Variants in CACNA1D observed in about 807,000 individuals in gnomAD.
CACNA1D encodes calcium voltage-gated channel subunit alpha1 D.
A neutral mutation model predicts 257.1 loss-of-function variants in CACNA1D; 55 were observed. That is an observed-to-expected ratio of 0.21 (90% CI 0.17 to 0.27). CACNA1D has a LOEUF of 0.27. Among genes scored for constraint, CACNA1D ranks in the 10% least tolerant of loss-of-function variants. The pLI is 1.00. For missense variants in CACNA1D, 1,876 were observed against 2,784.0 expected (o/e 0.67, Z 7.34); for synonymous variants, 980 against 1,014.9 (o/e 0.97, Z 0.65).
intron 8 of CACNA1D, among the ~76,000 whole-genome samples, chr3:53,691,087 G>C (rs995839118): frequency 2.0e-5 from 3 of 152,060 alleles, no homozygotes; most frequent in Non-Finnish European, 4.4e-5. Flanking sequence ...GTGATTAAGT[G>C]ATCTGTTTCG....
At chr3:53,598,318 G>A (rs1320566594) in intron 3 of CACNA1D, among the ~76,000 whole-genome samples, 1 of 151,940 alleles carries the variant, frequency 6.6e-6, no homozygotes, top group Non-Finnish European at 1.5e-5. Flanking sequence ...GCTCAGGCTT[G>A]TAATCCCAGC....
Position 53,811,283 on chromosome 3 carries a change from C to T in CACNA1D, c.6363C>T (p.Pro2121=). 1 of 1,613,900 alleles carries T rather than the reference C, an allele frequency of 6.2e-7. No homozygotes were observed. The highest frequency in any genetic ancestry group is 8.5e-7 in the Non-Finnish European group (1 of 1,180,028). The part of the protein sequence containing the change: ...VRPRANGDVG[P]LSHRQDYELQ... ...CCCGAGCCAACGGGGATGTGGGCCC[C>T]CTCTCACACCGGCAGGACTATGAGC... The change falls in exon 48 of 48, where the codon CCC becomes CCT. Residue 2121 remains proline (P), a synonymous_variant. Transcript: ENST00000350061. This position sits in a 1 kb window ranked among gnomAD's most constrained non-coding sequence, Gnocchi z 4.2.
chr3:53,535,762 A>T (rs1391038242), intron 3 of CACNA1D, among the ~76,000 whole-genome samples: 1 of 152,236 alleles, frequency 6.6e-6, no homozygotes, highest in Non-Finnish European at 1.5e-5. Context: ...CTAGACCACA[A>T]ATTTCTATTC....
intron 30 of CACNA1D, among the ~76,000 whole-genome samples, chr3:53,764,644 C>T (rs79400786): frequency 0.077 from 11,731 of 152,288 alleles, 1,521 homozygotes; most frequent in African/African-American, 0.27. Flanking sequence ...GGCTGCCTCA[C>T]GTGTGCTGCA....
chr3:53,626,568 AT>A (rs35238366), intron 3 of CACNA1D, among the ~76,000 whole-genome samples: 15 of 150,240 alleles, frequency 1.0e-4, no homozygotes, highest in Non-Finnish European at 1.2e-4. Flanking sequence ...AGTTCCTCTG[AT>A]TTTTTTTTTA....
Position 53,747,156 on chromosome 3 carries a change from C to T in CACNA1D, c.3168-146C>T, listed in dbSNP as rs576170967. On this transcript the variant is annotated intron_variant, in intron 25 of 47. Coordinates refer to ENST00000350061, the MANE Select transcript of CACNA1D (RefSeq NM_001128840.3). The stretch of plus-strand genomic sequence containing the variant: ...TGGAGGGCGAGGAGAGGAGAAACGG[C>T]GCCGGTGTTATGCTCAGCTGTGTGA... The T allele has an allele frequency of 5.0e-5, 37 of 740,492 alleles. No homozygotes were observed. In the East Asian group the frequency reaches 5.7e-4, roughly 11 times the overall value. The allele number at this position is 740,492 out of a possible 1,614,324, so 45.9% of individuals were successfully genotyped here. A position where few individuals can be genotyped will look rare whatever the true frequency, so the allele number is the denominator to read the frequency against.
At chr3:53,579,671 C>A (rs2093097676) in intron 3 of CACNA1D, among the ~76,000 whole-genome samples, 1 of 152,224 alleles carries the variant, frequency 6.6e-6, no homozygotes, top group Admixed American at 6.5e-5. Flanking sequence ...TTGCTCTGAA[C>A]TGAACTTAGG....
At chr3:53,808,135 G>C (rs923441983) in intron 45 of CACNA1D, 3 of 174,178 alleles carry the variant, frequency 1.7e-5, no homozygotes, top group Admixed American at 1.1e-4. Flanking sequence ...TCCTCCTCCT[G>C]AGAACAGGCG....
At chr3:53,527,385 A>G (rs1264452807) in intron 3 of CACNA1D, among the ~76,000 whole-genome samples, 1 of 152,202 alleles carries the variant, frequency 6.6e-6, no homozygotes, top group Non-Finnish European at 1.5e-5. Flanking sequence ...GAAAAATAAG[A>G]TCACCTTTTC....
At position 53,673,133 on chromosome 3, in the gene CACNA1D, T is replaced by C. The variant is rs1347147376; in HGVS notation, c.1220+7T>C. 1.3e-6 allele frequency: 2 copies of C among 1,528,356 alleles called. No individual in the cohort carries two copies. Among genetic ancestry groups the C allele is most frequent in the African/African-American group, 2.8e-5 (2 of 72,526 alleles). The allele number at this position is 1,528,356 out of a possible 1,614,324, so 94.7% of individuals were successfully genotyped here. A position where few individuals can be genotyped will look rare whatever the true frequency, so the allele number is the denominator to read the frequency against. On this transcript the variant is annotated splice_region_variant and intron_variant, in intron 8 of 47. Coordinates refer to ENST00000350061, the MANE Select transcript of CACNA1D (RefSeq NM_001128840.3). This position sits in a 1 kb window ranked among gnomAD's most constrained non-coding sequence, Gnocchi z 4.1. The stretch of plus-strand genomic sequence containing the variant: ...TACTTGGTGTATTGAGCGGGTAAGC[T>C]ACACCTCTTTCATCTTGAAAGCAGA...
chr3:53,665,016 G>T (rs554351912), intron 5 of CACNA1D, among the ~76,000 whole-genome samples: 1 of 152,126 alleles, frequency 6.6e-6, no homozygotes, highest in South Asian at 2.1e-4. Flanking sequence ...CAATGAGCAC[G>T]GTGCCAGGGA....
intron 5 of CACNA1D, among the ~76,000 whole-genome samples, chr3:53,663,244 G>A (rs1172779988): frequency 6.6e-6 from 1 of 152,134 alleles, no homozygotes. Context: ...CTGTATTCTG[G>A]TTTCCGATGT....
chr3:53,676,752 T>C (rs2094381002), intron 8 of CACNA1D, among the ~76,000 whole-genome samples: 1 of 152,250 alleles, frequency 6.6e-6, no homozygotes, highest in East Asian at 1.9e-4. Flanking sequence ...ATTTGTAAAG[T>C]GTTGTAACAC....
intron 3 of CACNA1D, among the ~76,000 whole-genome samples, chr3:53,593,512 G>A (rs1270270100): frequency 1.3e-5 from 2 of 152,240 alleles, no homozygotes; most frequent in Non-Finnish European, 2.9e-5. Flanking sequence ...AGCCTGGTGT[G>A]TTCACTCTGC....
Position 53,762,080 on chromosome 3 carries a change from A to C in CACNA1D, c.3869A>C (p.Asp1290Ala). The change falls in exon 30 of 48, where the codon GAC (aspartate) becomes GCC (alanine). Residue 1290 changes from aspartate (D) to alanine (A), a missense_variant and splice_region_variant. Asp to Ala is a moderately radical substitution (Grantham distance 126). Around this residue, in one of 10 missense-constraint regions of CACNA1D, gnomAD observed 204 missense variants for 309.4 expected, o/e 0.66. Transcript: ENST00000350061. ...SIIDVALSEA[D>A]PTESENVPVP... ...ATAGACGTGGCCCTCAGCGAAGCAGACGTGAGTATGCACCTGGCGTGGCCG... is the reference window on the plus strand; with the variant it reads ...ATAGACGTGGCCCTCAGCGAAGCAGCCGTGAGTATGCACCTGGCGTGGCCG... The C allele has an allele frequency of 6.2e-7, 1 of 1,605,164 alleles. No individual in the cohort carries two copies. Among genetic ancestry groups the C allele is most frequent in the South Asian group, 1.1e-5 (1 of 90,874 alleles).
intron 21 of CACNA1D, 62 bp downstream of exon 21, chr3:53,740,401 T>A: frequency 9.0e-7 from 1 of 1,115,616 alleles, no homozygotes; most frequent in Non-Finnish European, 1.4e-6. Context: ...TAGTTGCACT[T>A]CTTTGTTTGC....
intron 45 of CACNA1D, 67 bp downstream of exon 45, chr3:53,805,213 G>T: frequency 1.3e-6 from 2 of 1,481,600 alleles, no homozygotes; most frequent in Non-Finnish European, 1.9e-6. Context: ...CCCAACCCCC[G>T]CTCTGGGGGC....
At chr3:53,780,786 G>A (rs900812019) in intron 38 of CACNA1D, among the ~76,000 whole-genome samples, 5 of 152,234 alleles carry the variant, frequency 3.3e-5, no homozygotes, top group African/African-American at 1.2e-4. Flanking sequence ...GCAACAGGCT[G>A]AGGAGTGACC....
rs1179055954 is a variant in CACNA1D, at chr3:53,751,956, C to T, written c.3675+49C>T. On this transcript the variant is annotated intron_variant, in intron 28 of 47. Coordinates refer to ENST00000350061, the MANE Select transcript of CACNA1D (RefSeq NM_001128840.3). This position sits in a 1 kb window ranked among gnomAD's most constrained non-coding sequence, Gnocchi z 4.3. ...GATCAGGTCCGGGCATTCCGCACAG[C>T]CCCGTGCCCCAAATGCTGAGGGTGG... 5 of 1,571,898 alleles carry T rather than the reference C, an allele frequency of 3.2e-6. No homozygotes were observed. The highest frequency in any genetic ancestry group is 4.4e-6 in the Non-Finnish European group (5 of 1,141,754).
Sources: gnomAD v4.1 joint callset for allele counts (sites outside exome capture counted in the v4.1 genomes callset) on GRCh38, gnomAD v4.1.1 for gene constraint, gnomAD v4.1.1 regional missense constraint, Gnocchi (gnomAD v3.1) non-coding constraint, MANE v1.5 for transcripts, NCBI Gene and HGNC (gene_info 2026-07-23, HGNC 2026-07-21) for gene names.